The following INTS4 variants were observed in gnomAD, a reference collection of about 807,000 sequenced individuals.
INTS4 encodes the protein MSTP093.
INTS4 carries 70 observed loss-of-function variants against 119.5 expected under a neutral mutation model. The observed-to-expected ratio is 0.59, with a 90% CI of 0.48 to 0.71. The LOEUF (loss-of-function observed/expected upper bound fraction) is 0.71, where lower values mean the gene tolerates loss of function less well. Among genes scored for constraint, INTS4 ranks in the 30% least tolerant of loss-of-function variants. The pLI, the probability that INTS4 is intolerant of heterozygous loss-of-function variation, is 0.00. For synonymous variants in INTS4, 316 were observed against 419.6 expected (o/e 0.75, Z 3.02); for missense variants, 867 against 1,173.2 (o/e 0.74, Z 3.81).
chr11:77,930,281 T>C (rs537797786), intron 10 of INTS4, among the ~76,000 whole-genome samples: 2 of 152,240 alleles, frequency 1.3e-5, no homozygotes, highest in Non-Finnish European at 2.9e-5. Context: ...AAAGGTTTTA[T>C]AGACATGTTA....
intron 6 of INTS4, among the ~76,000 whole-genome samples, chr11:77,960,010 T>A (rs1455841066): frequency 1.3e-5 from 2 of 152,008 alleles, no homozygotes; most frequent in Non-Finnish European, 2.9e-5. Flanking sequence ...CAGAAATGAG[T>A]TCATGTACGG....
intron 3 of INTS4, among the ~76,000 whole-genome samples, chr11:77,980,979 C>T (rs1360823713): frequency 6.7e-6 from 1 of 148,792 alleles, no homozygotes; most frequent in Non-Finnish European, 1.5e-5. Flanking sequence ...GGAGACAGAG[C>T]GAGACTCCGT....
Position 77,882,004 on chromosome 11 carries a change from C to G in INTS4, c.2713+1828G>C, listed in dbSNP as rs113417396. On this transcript the variant is annotated intron_variant, in intron 22 of 22. Transcript: ENST00000534064. ...AGGGCTCCCTGCAGCCTTGACCCCC[C>G]AGACTCAAGCAATCTTCCTGCCTCA... 3.5e-3 allele frequency among the ~76,000 whole-genome samples: 535 copies of G among 152,096 alleles called. 7 individuals are homozygous for G. Among genetic ancestry groups the G allele is most frequent in the African/African-American group, 0.012 (495 of 41,496 alleles).
chr11:77,909,152 C>T (rs1188425119), intron 15 of INTS4, among the ~76,000 whole-genome samples: 1 of 152,220 alleles, frequency 6.6e-6, no homozygotes, highest in African/African-American at 2.4e-5. Context: ...CATACTGTAA[C>T]TCTAAGGGAA....
chr11:77,941,351 T>C, intron 8 of INTS4, 100 bp from the exon 9 acceptor site: 4 of 1,383,522 alleles, frequency 2.9e-6, no homozygotes, highest in Non-Finnish European at 3.9e-6. Flanking sequence ...ATAAAGATAA[T>C]ATTATTCATG....
intron 13 of INTS4, among the ~76,000 whole-genome samples, chr11:77,921,866 A>G (rs1053926152): frequency 2.0e-5 from 3 of 152,182 alleles, no homozygotes; most frequent in Non-Finnish European, 4.4e-5. Context: ...CCCCGTCTCT[A>G]CTAAAAATAC....
At chr11:77,921,618 A>G (rs1365268843) in intron 13 of INTS4, 145 bp from the exon 14 acceptor site, 4 of 622,342 alleles carry the variant, frequency 6.4e-6, no homozygotes, top group Non-Finnish European at 1.2e-5. Flanking sequence ...AACAAAATAC[A>G]TTCCCCTACT....
intron 18 of INTS4, among the ~76,000 whole-genome samples, chr11:77,899,286 G>A (rs1418782707): frequency 2.1e-5 from 1 of 47,802 alleles, no homozygotes; most frequent in Admixed American, 2.4e-4. Context: ...TTAGAATTAG[G>A]GTGCATAACT....
At chr11:77,921,911 A>G (rs1009585061) in intron 13 of INTS4, among the ~76,000 whole-genome samples, 3 of 152,100 alleles carry the variant, frequency 2.0e-5, no homozygotes, top group African/African-American at 7.2e-5. Flanking sequence ...GGCACCTGTA[A>G]TCCCAGCTAC....
At chr11:77,949,178 C>T (rs373995165) in intron 8 of INTS4, among the ~76,000 whole-genome samples, 1 of 152,020 alleles carries the variant, frequency 6.6e-6, no homozygotes, top group Non-Finnish European at 1.5e-5. Flanking sequence ...ACCTGGAGGA[C>T]ATCATGTAAA....
chr11:77,884,237 A>C (rs1460223039), intron 21 of INTS4, among the ~76,000 whole-genome samples: 2 of 152,108 alleles, frequency 1.3e-5, no homozygotes, highest in African/African-American at 2.4e-5. Context: ...TTATTATGAA[A>C]AGTGTTCTCA....
At chr11:77,906,191 C>G (rs1428103037) in intron 16 of INTS4, among the ~76,000 whole-genome samples, 1 of 152,124 alleles carries the variant, frequency 6.6e-6, no homozygotes, top group Non-Finnish European at 1.5e-5. Flanking sequence ...TTATGATTGG[C>G]TCCCCTTCTT....
intron 4 of INTS4, among the ~76,000 whole-genome samples, chr11:77,969,958 A>G (rs866032405): frequency 3.3e-4 from 51 of 152,306 alleles, no homozygotes; most frequent in African/African-American, 1.2e-3. Context: ...TAATGTTTTC[A>G]AACTCCAACG....
At chr11:77,890,416 C>T (rs1475606269) in intron 21 of INTS4, among the ~76,000 whole-genome samples, 1 of 152,042 alleles carries the variant, frequency 6.6e-6, no homozygotes, top group Non-Finnish European at 1.5e-5. Context: ...TGCTTTGACT[C>T]ATATCCCTTT....
rs1352595713 is a variant in INTS4 at position 77,950,424 on chromosome 11, G to A, written c.918+5518C>T. 3.3e-5 allele frequency among the ~76,000 whole-genome samples: 5 copies of A among 152,014 alleles called. No homozygotes were observed. The East Asian group carries it at 7.7e-4, about 23-fold the overall frequency. ...AACAGTGGTTAGCAGACACTGGGGA[G>A]GGGAGGGAGTAGGAGAGAATGGGAA... On this transcript the variant is annotated intron_variant, in intron 8 of 22. Transcript: ENST00000534064.
rs755540771 is a variant in INTS4 at position 77,891,670 on chromosome 11, T to A, written c.2448+11A>T. ...ACAGATTTGGCCTACAGGGGCCAAA[T>A]AGACCCTGACCTGCTCTGGAAGCGG... is the stretch of plus-strand genomic sequence containing the variant. On this transcript the variant is annotated intron_variant, in intron 20 of 22. Transcript: ENST00000534064. 1.9e-6 allele frequency: 3 copies of A among 1,611,908 alleles called. No homozygotes were observed. In the African/African-American group the frequency reaches 4.0e-5, roughly 21 times the overall value.
Position 77,973,203 on chromosome 11 carries a change from T to C in INTS4, c.471+5793A>G, listed in dbSNP as rs191614313. ...TTATTTTCCTAATTTCATTTTCATA[T>C]TGTTCACTGCAAGTGTATATAAATA... is the stretch of plus-strand genomic sequence containing the variant. On this transcript the variant is annotated intron_variant, in intron 4 of 22. Transcript: ENST00000534064. 6.2e-4 allele frequency among the ~76,000 whole-genome samples: 95 copies of C among 152,352 alleles called. 1 individual carries two copies. Among genetic ancestry groups the C allele is most frequent in the Admixed American group, 6.1e-3 (93 of 15,300 alleles).
chr11:77,986,136 G>A (rs934615707), intron 2 of INTS4, among the ~76,000 whole-genome samples: 2 of 152,194 alleles, frequency 1.3e-5, no homozygotes, highest in Non-Finnish European at 2.9e-5. Flanking sequence ...CTTGAGATCT[G>A]ACATCAGAAC....
At chr11:77,934,734 ACTTC>A (rs1953749033) in intron 10 of INTS4, among the ~76,000 whole-genome samples, 1 of 152,224 alleles carries the variant, frequency 6.6e-6, no homozygotes, top group Non-Finnish European at 1.5e-5. Context: ...TAATAACTGG[ACTTC>A]CTTATTATCC....
Sources: allele counts gnomAD v4.1 joint callset (sites outside exome capture counted in the v4.1 genomes callset), GRCh38; gene constraint gnomAD v4.1.1; transcripts MANE v1.5; gene names NCBI Gene and HGNC (gene_info 2026-07-23, HGNC 2026-07-21).